Variants in KLHL22 observed in about 807,000 individuals in gnomAD.
The protein encoded by KLHL22 is kelch like family member 22, also known as kelch-like protein 22.
In KLHL22, 18 loss-of-function variants were observed where a neutral mutation model predicts 60.7. That is an observed-to-expected ratio of 0.30 (90% CI 0.20 to 0.44). KLHL22 has a LOEUF of 0.44. Among genes scored for constraint, KLHL22 ranks in the 20% least tolerant of loss-of-function variants. The probability of loss-of-function intolerance (pLI) is 1.00; values close to 1 mark genes in which losing one functional copy is unlikely to be tolerated. For synonymous variants in KLHL22, 355 were observed against 354.5 expected (o/e 1.00, Z -0.01); for missense variants, 596 against 852.3 (o/e 0.70, Z 3.74).
In KLHL22 at chr22:20,480,827, C is replaced by CTT. The variant is rs760373717; in HGVS notation, c.227+8156_227+8157dup. 6.6e-3 allele frequency among the ~76,000 whole-genome samples: 796 copies of CTT among 121,494 alleles called. 6 individuals are homozygous for CTT. The highest frequency in any genetic ancestry group is 0.013 in the African/African-American group (423 of 32,872). The allele number at this position is 121,494 out of a possible 152,430, so 79.7% of individuals were successfully genotyped here. Reference sequence around the variant, plus strand: ...CGTGGCTTAATGAGTTTACGCCAAACTTTTTTTTTTTTTTTTTTTTTTGAG... The same window carrying CTT: ...CGTGGCTTAATGAGTTTACGCCAAACTTTTTTTTTTTTTTTTTTTTTTTTGAG... On this transcript the variant is annotated intron_variant, in intron 2 of 6. Transcript: ENST00000328879.
chr22:20,449,206 G>A (rs942671326), intron 5 of KLHL22, among the ~76,000 whole-genome samples: 10 of 151,282 alleles, frequency 6.6e-5, no homozygotes, highest in African/African-American at 2.2e-4. Flanking sequence ...GACTATAGAC[G>A]TCCGCCACCA....
At chr22:20,454,081 C>T (rs1334552192) in intron 5 of KLHL22, among the ~76,000 whole-genome samples, 3 of 152,148 alleles carry the variant, frequency 2.0e-5, no homozygotes, top group African/African-American at 7.2e-5. Context: ...TTCTCTAATC[C>T]CTGCACTTTG....
chr22:20,494,213 A>C (rs1006563463), intron 1 of KLHL22, among the ~76,000 whole-genome samples: 4 of 152,160 alleles, frequency 2.6e-5, no homozygotes, highest in African/African-American at 9.7e-5. Context: ...TCTACAAAAA[A>C]TTTAAAAATT....
In KLHL22 at chr22:20,485,997, T is replaced by C. The variant is rs530588465; in HGVS notation, c.227+2988A>G. Among the ~76,000 whole-genome samples the C allele has an allele frequency of 3.3e-5, 5 of 150,522 alleles. No homozygotes were observed. The East Asian group carries it at 9.8e-4, about 30-fold the overall frequency. On this transcript the variant is annotated intron_variant, in intron 2 of 6. Coordinates refer to ENST00000328879, the MANE Select transcript of KLHL22 (RefSeq NM_032775.4). Reference sequence around the variant, plus strand: ...GCCTGGCCAACATGGTGAAACCCTGTCTCTACTAAAAATACAAAAAATTAG... The same window carrying C: ...GCCTGGCCAACATGGTGAAACCCTGCCTCTACTAAAAATACAAAAAATTAG...
intron 2 of KLHL22, among the ~76,000 whole-genome samples, chr22:20,476,408 T>G (rs1358810548): frequency 2.6e-5 from 2 of 77,748 alleles, no homozygotes; most frequent in African/African-American, 9.3e-5. Context: ...GACACAGATT[T>G]TTTTTTTTTT....
intron 5 of KLHL22, among the ~76,000 whole-genome samples, chr22:20,449,564 C>T (rs1427622762): frequency 6.6e-6 from 1 of 151,696 alleles, no homozygotes; most frequent in Non-Finnish European, 1.5e-5. Context: ...CCGCGCCCAA[C>T]TAATTTTTGT....
chr22:20,466,561 T>C (rs1353001312), intron 3 of KLHL22, among the ~76,000 whole-genome samples: 2 of 151,920 alleles, frequency 1.3e-5, no homozygotes, highest in Non-Finnish European at 2.9e-5. Flanking sequence ...CCTGGCTTTT[T>C]CCCCCGCCAG....
rs1261327912 is a variant in KLHL22, at chr22:20,441,990, T to C, written c.*83A>G. ...ACAGGGGCAGGGGCCCTGCCTGGAG[T>C]AAAGTGCTCTGGCCTAGGCTGCGTG... On this transcript the variant is annotated 3_prime_UTR_variant, in exon 7 of 7. Coordinates refer to ENST00000328879, the MANE Select transcript of KLHL22 (RefSeq NM_032775.4). 9.5e-6 allele frequency: 13 copies of C among 1,368,342 alleles called. No homozygotes were observed. Among genetic ancestry groups the C allele is most frequent in the African/African-American group, 3.0e-5 (2 of 67,198 alleles). The allele number at this position is 1,368,342 out of a possible 1,614,324, so 84.8% of individuals were successfully genotyped here. A position where few individuals can be genotyped will look rare whatever the true frequency, so the allele number is the denominator to read the frequency against.
intron 2 of KLHL22, among the ~76,000 whole-genome samples, chr22:20,478,289 TC>T (rs1470523014): frequency 6.7e-6 from 1 of 150,108 alleles, no homozygotes; most frequent in Non-Finnish European, 1.5e-5. Context: ...CACCACAACC[TC>T]CAGCTCCCAG....
At chr22:20,447,935 C>T (rs988838120) in intron 5 of KLHL22, among the ~76,000 whole-genome samples, 2 of 152,102 alleles carry the variant, frequency 1.3e-5, no homozygotes, top group Non-Finnish European at 2.9e-5. Flanking sequence ...TGCCTTCTTT[C>T]CCCCATGGTA....
At chr22:20,450,633 T>A (rs2052961954) in intron 5 of KLHL22, 1 of 1,586,940 alleles carries the variant, frequency 6.3e-7, no homozygotes, top group African/African-American at 1.3e-5. Flanking sequence ...AAGAGTTCAT[T>A]CTTCTGAGGC....
chr22:20,452,191 G>A (rs1396235828), intron 5 of KLHL22, among the ~76,000 whole-genome samples: 3 of 151,502 alleles, frequency 2.0e-5, no homozygotes, highest in Non-Finnish European at 4.4e-5. Context: ...TAGCCTACTA[G>A]ATGTGAGCAA....
intron 5 of KLHL22, among the ~76,000 whole-genome samples, chr22:20,457,210 T>C (rs1267955003): frequency 6.6e-6 from 1 of 152,066 alleles, no homozygotes; most frequent in Non-Finnish European, 1.5e-5. Context: ...TTTTCCATAA[T>C]GAACATAATT....
rs760729910 is a variant in KLHL22, at chr22:20,465,104, G to A, written c.866C>T (p.Pro289Leu). The part of the protein sequence containing the change: ...NESLQPSLQS[P>L]QTELRSDFQC... ...GAAGTCCGACCGCAGCTCCGTTTGC[G>A]GGCTCTGCAGGCTGGGCTGTAGGCT... Residue 289 changes from proline (P) to leucine (L), a missense_variant, in exon 4 of 7, where the codon CCG becomes CTG. Transcript: ENST00000328879. This position sits in a 1 kb window ranked among gnomAD's most constrained non-coding sequence, Gnocchi z 4.9. The A allele has an allele frequency of 3.1e-5, 50 of 1,613,866 alleles. No homozygotes were observed. Among genetic ancestry groups the A allele is most frequent in the African/African-American group, 1.1e-4 (8 of 75,032 alleles).
intron 2 of KLHL22, chr22:20,488,643 T>TTAAA: frequency 5.0e-5 from 13 of 258,190 alleles, no homozygotes; most frequent in Non-Finnish European, 8.6e-5. Context: ...AGGTGATGCA[T>TTAAA]ACACAGCAAT....
intron 2 of KLHL22, among the ~76,000 whole-genome samples, chr22:20,477,413 G>C (rs2053432600): frequency 6.6e-6 from 1 of 151,882 alleles, no homozygotes; most frequent in Non-Finnish European, 1.5e-5. Context: ...GAAAAAAAAA[G>C]ACCAGATGGG....
intron 2 of KLHL22, chr22:20,483,148 C>A: frequency 1.6e-6 from 1 of 633,720 alleles, no homozygotes; most frequent in South Asian, 1.7e-5. Context: ...GGCTGTTCTA[C>A]AAGCTGGCCT....
chr22:20,442,255 C>T lies in KLHL22; in HGVS notation c.1723G>A (p.Glu575Lys), dbSNP rs763205948. 1.1e-5 allele frequency: 17 copies of T among 1,613,226 alleles called. No individual in the cohort carries two copies. The South Asian group carries it at 1.9e-4, about 18-fold the overall frequency. Residue 575 changes from glutamate to lysine, a missense_variant, in exon 7 of 7, where the codon GAA becomes AAA. By Grantham distance (56) the Glu-to-Lys change is moderately conservative (BLOSUM62 1). Transcript: ENST00000328879. ...ATGGAGTTGTCCAGCTGGGGCCCTT[C>T]CTCCCAGCAGTCCTTCTCCACATCG... ...IYDVEKDCWE[E>K]GPQLDNSISG...
chr22:20,472,946 C>T (rs920609514), intron 2 of KLHL22, among the ~76,000 whole-genome samples: 9 of 152,086 alleles, frequency 5.9e-5, no homozygotes, highest in Non-Finnish European at 1.5e-5. Flanking sequence ...TGGGGCAAGG[C>T]AGAGCTTGGC....
Sources: gnomAD v4.1 joint callset for allele counts (sites outside exome capture counted in the v4.1 genomes callset) on GRCh38, gnomAD v4.1.1 for gene constraint, Gnocchi (gnomAD v3.1) non-coding constraint, MANE v1.5 for transcripts, NCBI Gene and HGNC (gene_info 2026-07-23, HGNC 2026-07-21) for gene names.